The following GPC5 variants were observed in gnomAD, a reference collection of about 807,000 sequenced individuals.
GPC5 encodes the protein glypican 5, also known as glypican-5.
Under a neutral mutation model 53.9 loss-of-function variants are expected in GPC5, and 47 were observed. The observed-to-expected ratio is 0.87, with a 90% CI of 0.69 to 1.11. The LOEUF (loss-of-function observed/expected upper bound fraction) is 1.11. Ranked by LOEUF, GPC5 falls within the 50% of genes most tolerant of loss-of-function variation. GPC5 has a pLI of 0.00. For synonymous variants in GPC5, 286 were observed against 263.3 expected, an observed-to-expected ratio of 1.09 and a Z score of -0.84; for missense variants, 748 against 713.1, an observed-to-expected ratio of 1.05 and a Z score of -0.56.
chr13:92,256,139 T>C (rs2042724350), intron 7 of GPC5, among the ~76,000 whole-genome samples: 1 of 151,616 alleles, frequency 6.6e-6, no homozygotes, highest in Admixed American at 6.6e-5. Flanking sequence ...CAATTTTTAA[T>C]ATAGAGATAT....
Position 92,125,668 on chromosome 13 carries a change from T to A in GPC5, c.1402-19162T>A, listed in dbSNP as rs74106128. On this transcript the variant is annotated intron_variant, in intron 6 of 7. Coordinates refer to ENST00000377067, the MANE Select transcript of GPC5 (RefSeq NM_004466.6). The stretch of plus-strand genomic sequence containing the variant: ...AAATCATTGGTAGAGTTGTATTATT[T>A]AAGCATTGATTTAACAATTACTTTC... Among the ~76,000 whole-genome samples the A allele has an allele frequency of 5.8e-3, 888 of 152,260 alleles. 8 individuals are homozygous for A. The highest frequency in any genetic ancestry group is 0.031 in the Middle Eastern group (9 of 294).
At chr13:92,545,514 G>T (rs1367892260) in intron 7 of GPC5, among the ~76,000 whole-genome samples, 1 of 152,166 alleles carries the variant, frequency 6.6e-6, no homozygotes, top group South Asian at 2.1e-4. Flanking sequence ...CACAATGGTT[G>T]AACTAGTTTA....
At chr13:92,115,356 A>G (rs1285302846) in intron 6 of GPC5, among the ~76,000 whole-genome samples, 2 of 152,256 alleles carry the variant, frequency 1.3e-5, no homozygotes, top group African/African-American at 4.8e-5. Flanking sequence ...AAAATACAAA[A>G]TTATCTGGGC....
At chr13:91,545,855 A>G (rs565273709) in intron 2 of GPC5, among the ~76,000 whole-genome samples, 1 of 152,220 alleles carries the variant, frequency 6.6e-6, no homozygotes, top group South Asian at 2.1e-4. Flanking sequence ...ATATGCTATC[A>G]TGTTTTCAGA....
chr13:92,811,364 T>C (rs546829198), intron 7 of GPC5, among the ~76,000 whole-genome samples: 2 of 152,112 alleles, frequency 1.3e-5, no homozygotes, highest in Admixed American at 1.3e-4. Context: ...TTTTATTTGG[T>C]TTCCCTAATG....
chr13:92,083,622 C>T lies in GPC5; in HGVS notation c.1402-61208C>T, dbSNP rs552393496. Among the ~76,000 whole-genome samples, 15 of 152,206 alleles carry T rather than the reference C, an allele frequency of 9.9e-5. No homozygotes were observed. In the South Asian group the frequency reaches 2.9e-3, roughly 29 times the overall value. ...ATTTTATGTTTTTATTACCAAAATA[C>T]AAATAGACTCTTGAGGTATTTTTAC... On this transcript the variant is annotated intron_variant, in intron 6 of 7. Coordinates refer to ENST00000377067, the MANE Select transcript of GPC5 (RefSeq NM_004466.6).
At chr13:91,920,924 C>CTTTTTTTTTTTTTTTTTTT (rs1447586700) in intron 6 of GPC5, among the ~76,000 whole-genome samples, 1 of 59,586 alleles carries the variant, frequency 1.7e-5, no homozygotes, top group African/African-American at 6.8e-5. Flanking sequence ...CTCTCTCTCT[C>CTTTTTTTTTTTTTTTTTTT]TCTTTTTTTT....
chr13:92,186,128 C>T (rs1329450627), intron 7 of GPC5, among the ~76,000 whole-genome samples: 3 of 151,918 alleles, frequency 2.0e-5, no homozygotes, highest in African/African-American at 7.3e-5. Context: ...AGTTGCTGCT[C>T]AAAGTGATGC....
chr13:92,436,708 T>G (rs912650454), intron 7 of GPC5, among the ~76,000 whole-genome samples: 1 of 152,196 alleles, frequency 6.6e-6, no homozygotes, highest in Non-Finnish European at 1.5e-5. Flanking sequence ...GAACGTTTAG[T>G]ATTTAATTCA....
chr13:91,809,513 G>T (rs927829338), intron 5 of GPC5, among the ~76,000 whole-genome samples: 18 of 152,062 alleles, frequency 1.2e-4, no homozygotes, highest in African/African-American at 3.9e-4. Context: ...TGGCCTTGTT[G>T]GTTGTGGCTC....
At chr13:91,489,279 T>G (rs552490936) in intron 2 of GPC5, among the ~76,000 whole-genome samples, 26 of 152,320 alleles carry the variant, frequency 1.7e-4, no homozygotes, top group African/African-American at 5.3e-4. Flanking sequence ...TTGCTGGTTT[T>G]GGGGCTTGTG....
At chr13:92,818,613 T>G (rs1360104432) in intron 7 of GPC5, among the ~76,000 whole-genome samples, 1 of 151,948 alleles carries the variant, frequency 6.6e-6, no homozygotes, top group Non-Finnish European at 1.5e-5. Flanking sequence ...TTCATTTCCT[T>G]TTTTGCAAAA....
At chr13:91,933,089 T>G (rs963382226) in intron 6 of GPC5, among the ~76,000 whole-genome samples, 1 of 151,998 alleles carries the variant, frequency 6.6e-6, no homozygotes, top group African/African-American at 2.4e-5. Flanking sequence ...AAGCATTTTT[T>G]CAGAACTGCT....
intron 7 of GPC5, among the ~76,000 whole-genome samples, chr13:92,347,455 G>A (rs567894846): frequency 3.3e-5 from 5 of 152,166 alleles, no homozygotes; most frequent in Admixed American, 2.0e-4. Context: ...TTTTAGGAAT[G>A]AGGAAGAAAT....
intron 2 of GPC5, among the ~76,000 whole-genome samples, chr13:91,605,213 C>G (rs1403367336): frequency 4.7e-5 from 6 of 126,946 alleles, no homozygotes; most frequent in African/African-American, 1.2e-4. Context: ...AATAGGGAAT[C>G]CTTTCCCCAT....
At chr13:92,303,985 A>G (rs74870064) in intron 7 of GPC5, among the ~76,000 whole-genome samples, 1,576 of 152,278 alleles carry the variant, frequency 0.01, 23 homozygotes, top group African/African-American at 0.036. Context: ...GGTAGCATCT[A>G]TAACTGATGT....
chr13:92,131,591 CATG>C (rs2041743818), intron 6 of GPC5, among the ~76,000 whole-genome samples: 2 of 151,912 alleles, frequency 1.3e-5, no homozygotes, highest in Admixed American at 6.6e-5. Flanking sequence ...ATGTATACTG[CATG>C]ATACTATTTT....
At chr13:91,715,059 T>G (rs1594468889) in intron 3 of GPC5, among the ~76,000 whole-genome samples, 2 of 152,216 alleles carry the variant, frequency 1.3e-5, no homozygotes, top group East Asian at 3.9e-4. Context: ...GGGTGGTTTA[T>G]GCAGAAATTT....
intron 7 of GPC5, among the ~76,000 whole-genome samples, chr13:92,173,287 G>C (rs1244238375): frequency 1.3e-5 from 2 of 152,026 alleles, no homozygotes; most frequent in Non-Finnish European, 2.9e-5. Flanking sequence ...CTTTCATTTA[G>C]CCTGATGCTT....
Sources: allele counts gnomAD v4.1 joint callset (sites outside exome capture counted in the v4.1 genomes callset), GRCh38; gene constraint gnomAD v4.1.1; transcripts MANE v1.5; gene names NCBI Gene and HGNC (gene_info 2026-07-23, HGNC 2026-07-21).